The following TOB1 variants were observed in gnomAD, a reference collection of about 807,000 sequenced individuals.
The protein encoded by TOB1 is transducer of ERBB2, 1, also known as protein Tob1.
In TOB1, 2 loss-of-function variants were observed where a neutral mutation model predicts 22.9. The ratio of observed to expected loss-of-function variants is 0.09; its 90% confidence interval spans 0.04 to 0.28. The LOEUF (loss-of-function observed/expected upper bound fraction) is 0.28. Ranked by LOEUF, TOB1 falls within the 10% of genes least tolerant of loss-of-function variation. TOB1 has a pLI of 1.00. For synonymous variants in TOB1, 154 were observed against 150.6 expected (o/e 1.02, Z -0.17); for missense variants, 299 against 420.5 (o/e 0.71, Z 2.53).
chr17:50,867,067 G>C (rs990904513), upstream of TOB1: 5 of 152,424 alleles, frequency 3.3e-5, no homozygotes, highest in African/African-American at 1.2e-4. Flanking sequence ...GTGGGGAAGG[G>C]AGGCCGCCAC....
chr17:50,867,887 A>G (rs1972339725), upstream of TOB1: 2 of 152,276 alleles, frequency 1.3e-5, no homozygotes, highest in Admixed American at 1.3e-4. Flanking sequence ...TGCCAGGCCT[A>G]GAAGCTTTTG....
At chr17:50,865,518 G>A (rs1463373447) in intron 1 of TOB1, among the ~76,000 whole-genome samples, 2 of 152,156 alleles carry the variant, frequency 1.3e-5, no homozygotes, top group Non-Finnish European at 2.9e-5. Flanking sequence ...GAGAGTACGA[G>A]CCTCCTCGGA....
At chr17:50,867,917 T>C (rs923614503), upstream of TOB1, 16 of 152,182 alleles carry the variant, frequency 1.1e-4, no homozygotes, top group African/African-American at 3.9e-4. Context: ...ACGCAAAATC[T>C]GGTTGGAGCC....
chr17:50,866,826 G>C (rs1324503384), upstream of TOB1: 1 of 152,476 alleles, frequency 6.6e-6, no homozygotes, highest in Admixed American at 6.5e-5. Context: ...AGCGGCAAGA[G>C]TACCCAGAAA....
chr17:50,863,226 G>T lies in TOB1; in HGVS notation c.792C>A (p.Thr264=), dbSNP rs769398853. 1.2e-6 allele frequency: 2 copies of T among 1,614,112 alleles called. No homozygotes were observed. The highest frequency in any genetic ancestry group is 1.7e-6 in the Non-Finnish European group (2 of 1,180,016). ...CCTTGGCATTAGGAGAAAGAGCAGA[G>T]GTTTTCTGCTGTTGTTGCTGCTGTG... The part of the protein sequence containing the change: ...PPPQQQQQQK[T]SALSPNAKEF... Residue 264 remains threonine (T), a synonymous_variant, in exon 2 of 2, where the codon ACC becomes ACA. Transcript: ENST00000499247.
Position 50,863,572 on chromosome 17 carries a change from A to C in TOB1, c.446T>G (p.Val149Gly). Residue 149 changes from valine to glycine, a missense_variant, in exon 2 of 2, where the codon GTG becomes GGG. Transcript: ENST00000499247. The part of the protein sequence containing the change: ...FMPISDPASS[V>G]SSSPSPPFGH... ...AAAAGGAGGCGATGGAGAGCTGGAC[A>C]CTGATGAGGCTGGGTCACTTATGGG... 1 of 1,614,148 alleles carries C rather than the reference A, an allele frequency of 6.2e-7. No individual in the cohort carries two copies. The highest frequency in any genetic ancestry group is 8.5e-7 in the Non-Finnish European group (1 of 1,180,022).
In TOB1 at chr17:50,864,056, CAAAAAAAAAAA is replaced by C. The variant is rs71149322; in HGVS notation, c.-50_-40del. The C allele has an allele frequency of 1.5e-5, 16 of 1,042,112 alleles. No individual in the cohort carries two copies. Among genetic ancestry groups the C allele is most frequent in the South Asian group, 6.1e-5 (2 of 32,802 alleles). 64.6% of individuals were successfully genotyped at this position (1,042,112 alleles called of 1,614,324 possible). A position where few individuals can be genotyped will look rare whatever the true frequency, so the allele number is the denominator to read the frequency against. On this transcript the variant is annotated 5_prime_UTR_variant, in exon 2 of 2. Transcript: ENST00000499247. ...CAAAATTAGGTTTCAACTCCCCCACCAAAAAAAAAAAAAAAAAAAAAAGATGTTCAGTTTGT... is the reference window on the plus strand; with the variant it reads ...CAAAATTAGGTTTCAACTCCCCCACCAAAAAAAAAAAGATGTTCAGTTTGT...
chr17:50,867,728 T>C (rs1456847872), upstream of TOB1: 1 of 152,316 alleles, frequency 6.6e-6, no homozygotes, highest in African/African-American at 2.4e-5. Context: ...AAAACACCAG[T>C]TGGGGCGCCG....
At position 50,863,683 on chromosome 17, in the gene TOB1, A is replaced by G. The variant is rs929575799; in HGVS notation, c.335T>C (p.Leu112Pro). 6.2e-7 allele frequency: 1 copy of G among 1,614,052 alleles called. No homozygotes were observed. Among genetic ancestry groups the G allele is most frequent in the Non-Finnish European group, 8.5e-7 (1 of 1,180,044 alleles). ...ATTTTCATTATTATCATCCACGTAA[A>G]GCACCTTCACTGGTCCCTTTTCACC... Reference protein sequence around the residue: ...QIGEKGPVKVLYVDDNNENGC... With the variant: ...QIGEKGPVKVPYVDDNNENGC... The change falls in exon 2 of 2, where the codon CTT becomes CCT. Residue 112 changes from leucine (L) to proline (P), a missense_variant. Physicochemically the swap from Leu to Pro is moderately conservative, Grantham distance 98 (BLOSUM62 -3). Coordinates refer to ENST00000499247, the MANE Select transcript of TOB1 (RefSeq NM_005749.4).
At chr17:50,864,434 G>A (rs1326755935) in intron 1 of TOB1, among the ~76,000 whole-genome samples, 3 of 152,106 alleles carry the variant, frequency 2.0e-5, no homozygotes, top group African/African-American at 7.2e-5. Flanking sequence ...TTAAAAACCT[G>A]TTTCTGAATA....
At position 50,863,460 on chromosome 17, in the gene TOB1, C is replaced by T. The variant is rs112757466; in HGVS notation, c.558G>A (p.Lys186=). 2.7e-5 allele frequency: 44 copies of T among 1,614,010 alleles called. No individual in the cohort carries two copies. The African/African-American group carries it at 3.3e-4, about 12-fold the overall frequency. Residue 186 remains lysine, a synonymous_variant, in exon 2 of 2, where the codon AAG becomes AAA. Coordinates refer to ENST00000499247, the MANE Select transcript of TOB1 (RefSeq NM_005749.4). ...TATTCTTCATTTTGGTAGAGCCGAACTTGGTGGCAGCAAAAGTGGCAGTGG... is the reference window on the plus strand; with the variant it reads ...TATTCTTCATTTTGGTAGAGCCGAATTTGGTGGCAGCAAAAGTGGCAGTGG... The part of the protein sequence containing the change: ...TFTTATFAAT[K]FGSTKMKNSG...
intron 1 of TOB1, among the ~76,000 whole-genome samples, chr17:50,864,988 G>A (rs2143344143): frequency 6.6e-6 from 1 of 152,284 alleles, no homozygotes; most frequent in East Asian, 1.9e-4. Flanking sequence ...AAAAACCTCC[G>A]TCTGTCCCTC....
At chr17:50,866,510 C>A (rs945450594), upstream of TOB1, among the ~76,000 whole-genome samples, 2 of 152,052 alleles carry the variant, frequency 1.3e-5, no homozygotes, top group Non-Finnish European at 2.9e-5. Flanking sequence ...CCGGCCGGCT[C>A]CGCCCCTGCC....
chr17:50,864,526 TC>T (rs1194434933), intron 1 of TOB1, among the ~76,000 whole-genome samples: 1 of 152,018 alleles, frequency 6.6e-6, no homozygotes, highest in Non-Finnish European at 1.5e-5. Context: ...CTCAGCATCC[TC>T]CCCCCACCCC....
chr17:50,864,186 C>A (rs1972263186), intron 1 of TOB1, 23 bp from the exon 2 acceptor site: 8 of 1,291,386 alleles, frequency 6.2e-6, no homozygotes, highest in African/African-American at 1.5e-5. Flanking sequence ...GCAAACATAT[C>A]CAAATAAGAT....
At position 50,863,912 on chromosome 17, in the gene TOB1, G is replaced by A; in HGVS notation, c.106C>T (p.Leu36Phe). ...CAGTGCCCTTCATATTTCTTCTTAA[G>A]AAGTCTTTCAAGTTCTTCACCAAAA... ...NIFGEELERL[L>F]KKKYEGHWYP... Residue 36 changes from leucine to phenylalanine, a missense_variant, in exon 2 of 2, where the codon CTT becomes TTT. Leu to Phe is a conservative substitution (Grantham distance 22). Transcript: ENST00000499247. 6.2e-7 allele frequency: 1 copy of A among 1,614,036 alleles called. No homozygotes were observed. Among genetic ancestry groups the A allele is most frequent in the South Asian group, 1.1e-5 (1 of 91,070 alleles).
At chr17:50,866,720 G>A (rs1158620366), upstream of TOB1, 1 of 152,566 alleles carries the variant, frequency 6.6e-6, no homozygotes, top group African/African-American at 2.4e-5. Flanking sequence ...GGGTGGGGTA[G>A]GGCGGCTGAC....
Position 50,863,361 on chromosome 17 carries a change from C to T in TOB1, c.657G>A (p.Gln219=). 1 of 1,614,140 alleles carries T rather than the reference C, an allele frequency of 6.2e-7. No homozygotes were observed. Among genetic ancestry groups the T allele is most frequent in the Non-Finnish European group, 8.5e-7 (1 of 1,180,036 alleles). The change falls in exon 2 of 2, where the codon CAG becomes CAA. Residue 219 remains glutamine (Q), a synonymous_variant. Transcript: ENST00000499247. ...LGLNVNDLLK[Q]KAISSSMHSL... Reference sequence around the variant, plus strand: ...AGTGCATTGAGGAAGAGATGGCTTTCTGCTTCAAGAGGTCATTCACATTCA... The same window carrying T: ...AGTGCATTGAGGAAGAGATGGCTTTTTGCTTCAAGAGGTCATTCACATTCA...
Position 50,864,134 on chromosome 17 carries a change from G to C in TOB1, c.-117C>G. 7.1e-7 allele frequency: 1 copy of C among 1,406,826 alleles called. No homozygotes were observed. The highest frequency in any genetic ancestry group is 1.5e-5 in the African/African-American group (1 of 66,714). The allele number at this position is 1,406,826 out of a possible 1,614,324, so 87.1% of individuals were successfully genotyped here. ...TTCATTCAAAGTGCTGGTATTAGTA[G>C]ATTATCCTTCACCTTGAGTGATCTT... On this transcript the variant is annotated 5_prime_UTR_variant, in exon 2 of 2. In the 5' UTR this introduces an upstream ATG that the reference lacks. Transcript: ENST00000499247.
Sources: gnomAD v4.1 joint callset for allele counts (sites outside exome capture counted in the v4.1 genomes callset) on GRCh38, gnomAD v4.1.1 for gene constraint, MANE v1.5 for transcripts, NCBI Gene and HGNC (gene_info 2026-07-23, HGNC 2026-07-21) for gene names.